PARD3: variants seen among roughly 807,000 people sequenced by gnomAD.
PARD3 encodes par-3 family cell polarity regulator, also known as partitioning defective 3 homolog.
In PARD3, 75 loss-of-function variants were observed where a neutral mutation model predicts 155.4. The observed-to-expected ratio is 0.48, with a 90% CI of 0.40 to 0.58. The LOEUF (loss-of-function observed/expected upper bound fraction) is 0.58. Ranked by LOEUF, PARD3 falls within the 20% of genes least tolerant of loss-of-function variation. PARD3 has a pLI of 0.00. For missense variants in PARD3, 1,642 were observed against 1,721.7 expected (o/e 0.95, Z 0.82); for synonymous variants, 576 against 610.5 (o/e 0.94, Z 0.83).
chr10:34,113,746 C>T (rs542389117), intron 24 of PARD3, among the ~76,000 whole-genome samples: 18 of 152,276 alleles, frequency 1.2e-4, no homozygotes, highest in African/African-American at 4.3e-4. Context: ...CTGAGCCTGC[C>T]ACTGGCTGGC....
intron 22 of PARD3, among the ~76,000 whole-genome samples, chr10:34,208,641 A>G (rs973391045): frequency 1.3e-5 from 2 of 152,206 alleles, no homozygotes; most frequent in Non-Finnish European, 2.9e-5. Context: ...AAATGTGTTA[A>G]GCGTGACCCA....
chr10:34,667,671 C>T (rs146579741), intron 2 of PARD3, among the ~76,000 whole-genome samples: 5 of 152,200 alleles, frequency 3.3e-5, no homozygotes, highest in African/African-American at 9.7e-5. Context: ...GGGGTGATAT[C>T]GGACAAACTC....
intron 5 of PARD3, among the ~76,000 whole-genome samples, chr10:34,424,253 A>G (rs2075470039): frequency 2.0e-5 from 3 of 152,174 alleles, no homozygotes; most frequent in Non-Finnish European, 4.4e-5. Context: ...AAACAAACAT[A>G]AAGAGTTTCT....
At chr10:34,389,967 T>C (rs933313984) in intron 7 of PARD3, among the ~76,000 whole-genome samples, 51 of 152,200 alleles carry the variant, frequency 3.4e-4, no homozygotes, top group Non-Finnish European at 1.2e-4. Flanking sequence ...TTCATGTAAG[T>C]GTAAACTGCA....
intron 3 of PARD3, among the ~76,000 whole-genome samples, chr10:34,501,129 C>A (rs1354303289): frequency 1.3e-5 from 2 of 152,098 alleles, no homozygotes; most frequent in Non-Finnish European, 2.9e-5. Context: ...CAAAGAAATA[C>A]TCACTGATAT....
chr10:34,667,204 AG>A (rs1327822846), intron 2 of PARD3, among the ~76,000 whole-genome samples: 3 of 152,220 alleles, frequency 2.0e-5, no homozygotes, highest in African/African-American at 7.2e-5. Flanking sequence ...GAAATAGGTT[AG>A]AAAATCCAAG....
chr10:34,502,289 G>A (rs1478335601), intron 3 of PARD3, among the ~76,000 whole-genome samples: 1 of 152,174 alleles, frequency 6.6e-6, no homozygotes, highest in Non-Finnish European at 1.5e-5. Context: ...AGAGAGAGAT[G>A]TAACCATAGA....
intron 2 of PARD3, among the ~76,000 whole-genome samples, chr10:34,599,601 T>G (rs561640367): frequency 4.7e-4 from 72 of 152,376 alleles, no homozygotes; most frequent in African/African-American, 1.7e-3. Flanking sequence ...AATTTTACTT[T>G]ATGACCTCAT....
chr10:34,490,140 C>A (rs1439226373), intron 3 of PARD3, among the ~76,000 whole-genome samples: 3 of 152,164 alleles, frequency 2.0e-5, no homozygotes, highest in African/African-American at 7.2e-5. Flanking sequence ...TGCACATTAG[C>A]TGAACTCAAC....
chr10:34,115,553 C>A (rs2132647474), intron 24 of PARD3, among the ~76,000 whole-genome samples: 1 of 152,218 alleles, frequency 6.6e-6, no homozygotes. Context: ...GAGTATTGTA[C>A]ATTTCACAGC....
chr10:34,615,895 C>T (rs1167068202), intron 2 of PARD3, among the ~76,000 whole-genome samples: 1 of 152,186 alleles, frequency 6.6e-6, no homozygotes, highest in African/African-American at 2.4e-5. Flanking sequence ...ACTGTGATGT[C>T]ATCTCACCCC....
At chr10:34,355,948 A>C (rs1342894327) in intron 14 of PARD3, among the ~76,000 whole-genome samples, 1 of 127,992 alleles carries the variant, frequency 7.8e-6, no homozygotes, top group Non-Finnish European at 1.5e-5. Context: ...AAAAAAAAAC[A>C]AAACAAAACC....
chr10:34,469,507 GA>G (rs555317461), intron 4 of PARD3, among the ~76,000 whole-genome samples: 160 of 152,318 alleles, frequency 1.1e-3, no homozygotes, highest in Middle Eastern at 3.4e-3. Context: ...GGTCAGGGAA[GA>G]AAGTATTATG....
intron 1 of PARD3, among the ~76,000 whole-genome samples, chr10:34,701,239 A>C (rs538935557): frequency 7.9e-5 from 12 of 152,288 alleles, no homozygotes; most frequent in African/African-American, 2.4e-4. Context: ...GTGAACACAA[A>C]GATAAAAATG....
In PARD3 at chr10:34,434,253, G is replaced by A. The variant is rs140577508; in HGVS notation, c.714+16064C>T. On this transcript the variant is annotated intron_variant, in intron 5 of 24. Coordinates refer to ENST00000374788, the MANE Select transcript of PARD3 (RefSeq NM_001184785.2). ...GGGAATGCACCCTGGAAGCAGCTGC[G>A]ATCCACATGGTGAAGGAACATCAGG... Among the ~76,000 whole-genome samples the A allele has an allele frequency of 8.9e-3, 1,359 of 152,258 alleles. 28 individuals carry two copies. The highest frequency in any genetic ancestry group is 0.031 in the African/African-American group (1,290 of 41,546).
chr10:34,395,356 G>A (rs991598758), intron 7 of PARD3, among the ~76,000 whole-genome samples: 1 of 152,112 alleles, frequency 6.6e-6, no homozygotes, highest in Non-Finnish European at 1.5e-5. Context: ...TTTAAATCAG[G>A]AGGAAATGAA....
intron 7 of PARD3, among the ~76,000 whole-genome samples, chr10:34,392,611 T>C (rs752024752): frequency 6.6e-6 from 1 of 152,204 alleles, no homozygotes; most frequent in Non-Finnish European, 1.5e-5. Flanking sequence ...TTAAGTCTTA[T>C]GATTGACAAG....
chr10:34,550,384 A>G (rs1362428652), intron 2 of PARD3, among the ~76,000 whole-genome samples: 2 of 152,000 alleles, frequency 1.3e-5, no homozygotes, highest in African/African-American at 2.4e-5. Context: ...GCTAATTTTT[A>G]TATCTGTAGT....
intron 22 of PARD3, among the ~76,000 whole-genome samples, chr10:34,225,351 T>C (rs11595477): frequency 0.17 from 24,336 of 143,488 alleles, 2,555 homozygotes; most frequent in Middle Eastern, 0.3. Flanking sequence ...TTTTTTCTCT[T>C]TTTTTTTTTT....
Sources: allele counts gnomAD v4.1 joint callset (sites outside exome capture counted in the v4.1 genomes callset), GRCh38; gene constraint gnomAD v4.1.1; transcripts MANE v1.5; gene names NCBI Gene and HGNC (gene_info 2026-07-23, HGNC 2026-07-21).